DMD: variants seen among roughly 807,000 people sequenced by gnomAD.
The protein encoded by DMD is dystrophin.
Under a neutral mutation model 330.1 loss-of-function variants are expected in DMD, and 63 were observed. That is an observed-to-expected ratio of 0.19 (90% confidence interval 0.16 to 0.24). The LOEUF (loss-of-function observed/expected upper bound fraction) is 0.24, where lower values mean the gene tolerates loss of function less well. Among genes scored for constraint, DMD ranks in the 10% least tolerant of loss-of-function variants. DMD has a pLI of 1.00. For synonymous variants in DMD, 1,223 were observed against 959.8 expected (o/e 1.27, Z -5.07); for missense variants, 3,344 against 2,684.1 (o/e 1.25, Z -5.43).
At chrX:33,258,321 A>C (rs1187981235) in intron 1 of DMD, among the ~76,000 whole-genome samples, 1 of 111,116 alleles carries the variant, frequency 9.0e-6, no homozygotes, top group Non-Finnish European at 1.9e-5. Flanking sequence ...ACTATACCAA[A>C]GTGTTCCGGT....
At chrX:31,266,182 A>AAAAAAAAAAAAAAAAAC in intron 62 of DMD, among the ~76,000 whole-genome samples, 1 of 103,202 alleles carries the variant, frequency 9.7e-6, no homozygotes, top group Non-Finnish European at 2.0e-5. Context: ...AAAAAAAAAA[A>AAAAAAAAAAAAAAAAAC]AGCCCAAACA....
chrX:32,274,711 A>G (rs2097378590), intron 43 of DMD, among the ~76,000 whole-genome samples: 1 of 112,438 alleles, frequency 8.9e-6, no homozygotes, highest in African/African-American at 3.2e-5. Context: ...TAAACAAGGA[A>G]ATGTAAATGA....
intron 56 of DMD, among the ~76,000 whole-genome samples, chrX:31,506,500 C>T (rs73453953): frequency 0.045 from 5,087 of 111,933 alleles, 254 homozygotes; most frequent in African/African-American, 0.15. Flanking sequence ...TTTCATTCCC[C>T]GCCCTTGCTA....
intron 1 of DMD, among the ~76,000 whole-genome samples, chrX:33,231,687 C>G (rs2052390436): frequency 9.0e-6 from 1 of 111,467 alleles, no homozygotes; most frequent in African/African-American, 3.3e-5. Context: ...ATACCTTTCC[C>G]AGCCTTACCA....
intron 11 of DMD, among the ~76,000 whole-genome samples, chrX:32,631,062 A>G (rs1251490519): frequency 8.9e-6 from 1 of 112,229 alleles, no homozygotes; most frequent in Admixed American, 9.4e-5. Flanking sequence ...ACCCAAGCCC[A>G]GTAATGCTGT....
In DMD at chrX:32,463,524, T is replaced by A; in HGVS notation, c.3347A>T (p.Lys1116Met). 8.3e-7 allele frequency: 1 copy of A among 1,203,932 alleles called. No individual in the cohort carries two copies. The highest frequency in any genetic ancestry group is 1.1e-6 in the Non-Finnish European group (1 of 890,893). Residue 1116 changes from lysine (K) to methionine (M), a missense_variant, in exon 25 of 79, where the codon AAG becomes ATG. By Grantham distance (95) the Lys-to-Met change is moderately conservative. Coordinates refer to ENST00000357033, the MANE Select transcript of DMD (RefSeq NM_004006.3). Reference sequence around the variant, plus strand: ...AGCAAACTCTGGCTCTGCTTCATTCTTTATCTTCTGCCCACCTTCATTGAC... The same window carrying A: ...AGCAAACTCTGGCTCTGCTTCATTCATTATCTTCTGCCCACCTTCATTGAC... ...NSVNEGGQKIKNEAEPEFASR... is the reference protein window; with the variant it reads ...NSVNEGGQKIMNEAEPEFASR...
chrX:31,688,098 G>GA (rs1318126981), intron 52 of DMD, among the ~76,000 whole-genome samples: 1 of 109,239 alleles, frequency 9.2e-6, no homozygotes, highest in East Asian at 2.9e-4. Flanking sequence ...GAAGACAAAA[G>GA]AAAAAAATAA....
chrX:31,356,924 C>CCTTTTTT (rs2058703422), intron 60 of DMD, among the ~76,000 whole-genome samples: 1 of 74,292 alleles, frequency 1.3e-5, no homozygotes, highest in African/African-American at 5.0e-5. Flanking sequence ...TTTCTTCTGC[C>CCTTTTTT]TTTTTTTTTT....
rs200740564 is a variant in DMD at position 31,289,899 on chromosome X, T to TTTATTATTATTATTA, written c.9225-28898_9225-28884dup. ...TATAGTCACTTAGGTTATTATTCTG[T>TTTATTATTATTATTA]TTATTATTATTATTATTATTATTAT... On this transcript the variant is annotated intron_variant, in intron 62 of 78. Transcript: ENST00000357033. 4.3e-5 allele frequency among the ~76,000 whole-genome samples: 4 copies of TTTATTATTATTATTA among 93,559 alleles called. No homozygotes were observed. In the South Asian group the frequency reaches 2.2e-3, roughly 52 times the overall value. 81.2% of individuals were successfully genotyped at this position (93,559 alleles called of 115,157 possible).
intron 55 of DMD, among the ~76,000 whole-genome samples, chrX:31,572,389 T>C (rs140357433): frequency 0.039 from 4,391 of 111,934 alleles, 76 homozygotes; most frequent in South Asian, 0.081. Flanking sequence ...TAGACCTGTA[T>C]CTCTAAAAGA....
chrX:32,469,462 A>G (rs990510940), intron 22 of DMD, among the ~76,000 whole-genome samples: 4 of 111,204 alleles, frequency 3.6e-5, no homozygotes, highest in Non-Finnish European at 7.6e-5. Context: ...TCATGTATGC[A>G]CATATAAACA....
At chrX:32,001,962 T>C (rs1325329701) in intron 44 of DMD, among the ~76,000 whole-genome samples, 1 of 111,780 alleles carries the variant, frequency 8.9e-6, no homozygotes, top group African/African-American at 3.2e-5. Flanking sequence ...CAATTTGGTA[T>C]GTGCAAAGAA....
At chrX:32,342,488 A>G (rs2097748851) in intron 40 of DMD, 2 of 418,609 alleles carry the variant, frequency 4.8e-6, no homozygotes, top group Non-Finnish European at 8.2e-6. Context: ...GCTTGGTTTT[A>G]GATATTCTAA....
chrX:31,349,486 G>C (rs1390926014), intron 60 of DMD, among the ~76,000 whole-genome samples: 1 of 112,338 alleles, frequency 8.9e-6, no homozygotes, highest in Non-Finnish European at 1.9e-5. Context: ...AAATAGGGTG[G>C]GTAGTAAGAT....
At chrX:32,234,601 A>G (rs1427730977) in intron 43 of DMD, among the ~76,000 whole-genome samples, 2 of 112,060 alleles carry the variant, frequency 1.8e-5, no homozygotes, top group Non-Finnish European at 3.8e-5. Context: ...TGATATCTAT[A>G]TATCTAGATT....
rs2040705871 is a variant in DMD at position 31,177,933 on chromosome X, C to T, written c.10261G>A (p.Ala3421Thr). 8.3e-7 allele frequency: 1 copy of T among 1,207,014 alleles called. No homozygotes were observed. The highest frequency in any genetic ancestry group is 1.8e-5 in the South Asian group (1 of 56,293). ...CCCTTCAGCAAAAAAAGTACTCACG[C>T]AGAATCTACTGGCCAGAAGTTGATC... The part of the protein sequence containing the change: ...TLINFWPVDS[A>T]PASSPQLSHD... The change falls in exon 71 of 79, where the codon GCG becomes ACG. Residue 3421 changes from alanine to threonine, a missense_variant and splice_region_variant. Ala to Thr is a moderately conservative substitution (Grantham distance 58). Transcript: ENST00000357033.
At chrX:31,455,002 G>T (rs1342341053) in intron 59 of DMD, among the ~76,000 whole-genome samples, 1 of 91,149 alleles carries the variant, frequency 1.1e-5, no homozygotes, top group African/African-American at 4.2e-5. Context: ...TTTCCAGGCT[G>T]GTCTCAAACT....
intron 49 of DMD, among the ~76,000 whole-genome samples, chrX:31,823,068 C>T (rs757465892): frequency 2.7e-5 from 3 of 111,817 alleles, no homozygotes; most frequent in Non-Finnish European, 5.6e-5. Flanking sequence ...CGACCCAACC[C>T]CAGCCAATGG....
At chrX:31,602,904 C>T (rs1024349539) in intron 55 of DMD, among the ~76,000 whole-genome samples, 1 of 111,985 alleles carries the variant, frequency 8.9e-6, no homozygotes, top group Non-Finnish European at 1.9e-5. Context: ...CCTTTCACAT[C>T]CCTAGTAGTA....
Sources: gnomAD v4.1 joint callset for allele counts (sites outside exome capture counted in the v4.1 genomes callset) on GRCh38, gnomAD v4.1.1 for gene constraint, MANE v1.5 for transcripts, NCBI Gene and HGNC (gene_info 2026-07-23, HGNC 2026-07-21) for gene names.